The following PKD2L2 variants were observed in gnomAD, a reference collection of about 807,000 sequenced individuals.
The protein encoded by PKD2L2 is polycystin-2-like protein 2.
Under a neutral mutation model 83.9 loss-of-function variants are expected in PKD2L2, and 67 were observed. The ratio of observed to expected loss-of-function variants is 0.80; its 90% CI spans 0.66 to 0.98. The LOEUF (loss-of-function observed/expected upper bound fraction) is 0.98. Ranked by LOEUF, PKD2L2 falls within the 50% of genes least tolerant of loss-of-function variation. PKD2L2 has a pLI of 0.00. For missense variants in PKD2L2, 632 were observed against 717.2 expected (o/e 0.88, Z 1.36); for synonymous variants, 223 against 237.8 (o/e 0.94, Z 0.57).
intron 4 of PKD2L2, among the ~76,000 whole-genome samples, chr5:137,895,658 A>T (rs1756390745): frequency 6.6e-6 from 1 of 151,994 alleles, no homozygotes; most frequent in South Asian, 2.1e-4. Flanking sequence ...CAGGTGGATT[A>T]TTTGAGTTCA....
intron 4 of PKD2L2, among the ~76,000 whole-genome samples, chr5:137,895,800 C>G (rs995373945): frequency 6.6e-6 from 1 of 151,236 alleles, no homozygotes; most frequent in African/African-American, 2.4e-5. Context: ...ATCACTTGAA[C>G]CCAGAAGGCG....
chr5:137,937,164 G>A (rs867896424), intron 14 of PKD2L2, among the ~76,000 whole-genome samples: 3 of 152,256 alleles, frequency 2.0e-5, no homozygotes, highest in Middle Eastern at 3.4e-3. Flanking sequence ...AGGATTCTGG[G>A]AAACCATTAT....
At chr5:137,918,350 G>A (rs2150039428) in intron 8 of PKD2L2, among the ~76,000 whole-genome samples, 1 of 152,288 alleles carries the variant, frequency 6.6e-6, no homozygotes, top group South Asian at 2.1e-4. Flanking sequence ...AAAAGGAAAA[G>A]AGAAGAATAA....
chr5:137,924,264 G>C (rs573535586), intron 10 of PKD2L2, among the ~76,000 whole-genome samples: 4 of 152,092 alleles, frequency 2.6e-5, no homozygotes, highest in African/African-American at 9.7e-5. Context: ...GTCCTAACCT[G>C]TCTTCATTAA....
Position 137,906,267 on chromosome 5 carries a change from A to G in PKD2L2, c.808A>G (p.Lys270Glu), listed in dbSNP as rs761861047. ...ILTSWQFYSV[K>E]LLRYVSYYDY... ...TACTTCATGGCAGTTTTACTCTGTG[A>G]AGCTCCTCAGATATGTTAGCTACTA... is the stretch of plus-strand genomic sequence containing the variant. The change falls in exon 6 of 15, where the codon AAG becomes GAG. Residue 270 changes from lysine to glutamate, a missense_variant. Lys to Glu is a moderately conservative substitution (Grantham distance 56, BLOSUM62 1). This residue lies in a region of PKD2L2 where 399 missense variants were observed against 416.9 expected (regional missense o/e 0.96). Coordinates refer to ENST00000508883, the MANE Select transcript of PKD2L2 (RefSeq NM_001300921.2). 2 of 1,612,644 alleles carry G rather than the reference A, an allele frequency of 1.2e-6. No individual in the cohort carries two copies. The highest frequency in any genetic ancestry group is 2.2e-5 in the South Asian group (2 of 90,964).
At position 137,908,745 on chromosome 5, in the gene PKD2L2, T is replaced by C. The variant is rs894930557; in HGVS notation, c.1147-20T>C. 2.3e-6 allele frequency: 3 copies of C among 1,299,492 alleles called. No individual in the cohort carries two copies. The highest frequency in any genetic ancestry group is 2.4e-5 in the East Asian group (1 of 41,878). 80.5% of individuals were successfully genotyped at this position (1,299,492 alleles called of 1,614,324 possible). A position where few individuals can be genotyped will look rare whatever the true frequency, so the allele number is the denominator to read the frequency against. On this transcript the variant is annotated intron_variant, in intron 7 of 14. Transcript: ENST00000508883. Reference sequence around the variant, plus strand: ...CATCTTTGATATTCTCCTATTTCAATTAACTTTGTTCTTTTTCAGATATTC... The same window carrying C: ...CATCTTTGATATTCTCCTATTTCAACTAACTTTGTTCTTTTTCAGATATTC...
At chr5:137,912,053 C>A (rs1167833172) in intron 8 of PKD2L2, among the ~76,000 whole-genome samples, 1 of 152,114 alleles carries the variant, frequency 6.6e-6, no homozygotes, top group African/African-American at 2.4e-5. Context: ...TCCATTTAAC[C>A]ATTAATAGAC....
chr5:137,889,708 G>C (rs1436380581), intron 1 of PKD2L2, among the ~76,000 whole-genome samples, 186 bp downstream of exon 1: 3 of 152,242 alleles, frequency 2.0e-5, no homozygotes, highest in Non-Finnish European at 4.4e-5. Flanking sequence ...GAAAACTGAA[G>C]CCCTGAGCGA....
intron 6 of PKD2L2, 21 bp downstream of exon 6, chr5:137,906,455 A>G (rs1388891798): frequency 1.6e-6 from 2 of 1,283,950 alleles, no homozygotes; most frequent in South Asian, 1.3e-5. Flanking sequence ...ATTCATGTGT[A>G]TGGTTGAAGG....
chr5:137,907,996 G>T (rs1757498966), intron 7 of PKD2L2, 84 bp downstream of exon 7: 1 of 648,936 alleles, frequency 1.5e-6, no homozygotes, highest in Non-Finnish European at 2.4e-6. Context: ...GGGGAAAAAA[G>T]ATTTTTTCAA....
chr5:137,925,987 C>A, intron 12 of PKD2L2, 58 bp downstream of exon 12: 1 of 866,592 alleles, frequency 1.2e-6, no homozygotes, highest in Non-Finnish European at 1.9e-6. Flanking sequence ...AATATGCTCA[C>A]AAAAACGCTC....
intron 14 of PKD2L2, chr5:137,940,215 G>C (rs1420510779): frequency 6.2e-7 from 1 of 1,613,786 alleles, no homozygotes; most frequent in East Asian, 2.2e-5. Flanking sequence ...GAATTTTCAA[G>C]GAACGTATCT....
chr5:137,914,359 T>C (rs771620433), intron 8 of PKD2L2, among the ~76,000 whole-genome samples: 5 of 152,146 alleles, frequency 3.3e-5, no homozygotes, highest in Non-Finnish European at 5.9e-5. Context: ...TTTTCAGCTT[T>C]GGAATGCTCA....
intron 5 of PKD2L2, among the ~76,000 whole-genome samples, chr5:137,904,233 A>G (rs757991727): frequency 7.2e-5 from 11 of 152,220 alleles, no homozygotes; most frequent in Non-Finnish European, 1.6e-4. Flanking sequence ...AGAATCAAGC[A>G]CTAGCAAAGG....
chr5:137,936,025 TTTAC>T (rs1760314624), intron 13 of PKD2L2, 116 bp downstream of exon 13: 2 of 692,968 alleles, frequency 2.9e-6, no homozygotes, highest in African/African-American at 3.6e-5. Context: ...GATGCCTTTA[TTTAC>T]TTTCTATCCA....
intron 3 of PKD2L2, 141 bp downstream of exon 3, chr5:137,892,754 A>G: frequency 2.9e-6 from 2 of 694,768 alleles, no homozygotes; most frequent in East Asian, 6.4e-5. Flanking sequence ...GAAACAACCA[A>G]CCAGTAAGTG....
intron 2 of PKD2L2, among the ~76,000 whole-genome samples, chr5:137,892,043 T>C (rs887593045): frequency 2.0e-5 from 3 of 152,230 alleles, no homozygotes; most frequent in Admixed American, 6.5e-5. Context: ...ATGTTCTGTG[T>C]GCATCATCTC....
intron 8 of PKD2L2, among the ~76,000 whole-genome samples, chr5:137,912,764 C>G (rs1457141764): frequency 6.8e-6 from 1 of 147,116 alleles, no homozygotes; most frequent in Non-Finnish European, 1.5e-5. Flanking sequence ...TATTCAGGTC[C>G]TTTGTCCATT....
intron 8 of PKD2L2, among the ~76,000 whole-genome samples, chr5:137,909,902 C>T (rs548466497): frequency 1.4e-4 from 21 of 152,086 alleles, no homozygotes; most frequent in Middle Eastern, 6.8e-3. Flanking sequence ...TTGACCTGAT[C>T]GTCCTTTGCT....
Sources: allele counts gnomAD v4.1 joint callset (sites outside exome capture counted in the v4.1 genomes callset), GRCh38; gene constraint gnomAD v4.1.1; regional missense constraint gnomAD v4.1.1; transcripts MANE v1.5; gene names NCBI Gene and HGNC (gene_info 2026-07-23, HGNC 2026-07-21).